ST18: variants seen among roughly 807,000 people sequenced by gnomAD.
ST18 encodes the protein suppression of tumorigenicity 18 protein.
In ST18, 50 loss-of-function variants were observed where a neutral mutation model predicts 110.0. That is an observed-to-expected ratio of 0.45 (90% confidence interval 0.36 to 0.58). The LOEUF (loss-of-function observed/expected upper bound fraction) is 0.58, where lower values mean the gene tolerates loss of function less well. ST18 is among the 20% of genes least tolerant of loss of function. The pLI, the probability that ST18 is intolerant of heterozygous loss-of-function variation, is 0.00. For synonymous variants in ST18, 461 were observed against 452.4 expected (o/e 1.02, Z -0.24); for missense variants, 1,306 against 1,280.1 (o/e 1.02, Z -0.31).
intron 2 of ST18, among the ~76,000 whole-genome samples, chr8:52,369,724 T>C (rs898825724): frequency 1.3e-5 from 2 of 152,092 alleles, no homozygotes; most frequent in Non-Finnish European, 2.9e-5. Context: ...ACAGAAAACA[T>C]AAACGTATTG....
chr8:52,230,871 C>G (rs80051551), intron 2 of ST18, among the ~76,000 whole-genome samples: 5,310 of 152,086 alleles, frequency 0.035, 297 homozygotes, highest in African/African-American at 0.12. Flanking sequence ...GATGCCCTGA[C>G]GACAGAACAA....
intron 2 of ST18, among the ~76,000 whole-genome samples, chr8:52,301,155 T>C (rs1031194529): frequency 3.3e-5 from 5 of 152,192 alleles, no homozygotes; most frequent in African/African-American, 1.2e-4. Flanking sequence ...AAAATGGCCA[T>C]ATATGTTAAT....
intron 10 of ST18, among the ~76,000 whole-genome samples, chr8:52,167,814 G>A (rs2063521733): frequency 6.6e-6 from 1 of 152,186 alleles, no homozygotes; most frequent in African/African-American, 2.4e-5. Context: ...GGAGCAGCCG[G>A]TCATGGTAAG....
chr8:52,401,741 T>C (rs1842861021), intron 2 of ST18, among the ~76,000 whole-genome samples: 3 of 152,198 alleles, frequency 2.0e-5, no homozygotes, highest in Admixed American at 6.5e-5. Flanking sequence ...TCTATCTGTA[T>C]TCTCTTGTTT....
chr8:52,356,912 A>G (rs1822988532), intron 2 of ST18, among the ~76,000 whole-genome samples: 2 of 152,140 alleles, frequency 1.3e-5, no homozygotes, highest in Admixed American at 6.5e-5. Context: ...GGATTTCAAT[A>G]TAAGTCTTCT....
chr8:52,282,472 G>A (rs977830822), intron 2 of ST18, among the ~76,000 whole-genome samples: 1 of 152,166 alleles, frequency 6.6e-6, no homozygotes, highest in Admixed American at 6.5e-5. Context: ...GGGGGTTCAA[G>A]CCACTGGGGA....
chr8:52,198,788 T>C (rs991309230), intron 8 of ST18, among the ~76,000 whole-genome samples: 1 of 152,318 alleles, frequency 6.6e-6, no homozygotes, highest in South Asian at 2.1e-4. Flanking sequence ...AATAACCTGA[T>C]AGAGAAGCAC....
intron 2 of ST18, among the ~76,000 whole-genome samples, chr8:52,326,979 C>A (rs1267731479): frequency 6.6e-6 from 1 of 152,228 alleles, no homozygotes; most frequent in African/African-American, 2.4e-5. Context: ...TCAAGGGAGA[C>A]TGCCCACTCT....
chr8:52,293,379 A>G (rs1454243486), intron 2 of ST18, among the ~76,000 whole-genome samples: 2 of 152,248 alleles, frequency 1.3e-5, no homozygotes, highest in African/African-American at 2.4e-5. Context: ...CTTCATGTGC[A>G]CAGCACATGT....
chr8:52,167,027 T>G, intron 10 of ST18, 41 bp from the exon 11 acceptor site: 1 of 1,576,824 alleles, frequency 6.3e-7, no homozygotes, highest in Admixed American at 1.7e-5. Context: ...TGGTTATTCT[T>G]GCTTTTCTTC....
intron 2 of ST18, among the ~76,000 whole-genome samples, chr8:52,342,047 AC>A (rs1815298392): frequency 6.6e-6 from 1 of 152,242 alleles, no homozygotes; most frequent in East Asian, 1.9e-4. Flanking sequence ...GCAGTTAATA[AC>A]AGTATACTGA....
chr8:52,174,785 C>T (rs371435569), intron 9 of ST18, among the ~76,000 whole-genome samples: 3 of 152,164 alleles, frequency 2.0e-5, no homozygotes, highest in Admixed American at 6.5e-5. Context: ...ACAGCACACG[C>T]GGGTTTCTAG....
intron 8 of ST18, chr8:52,201,225 A>G (rs2077841590): frequency 6.6e-6 from 1 of 152,322 alleles, no homozygotes; most frequent in Non-Finnish European, 1.5e-5. Flanking sequence ...TTTTCCTTCA[A>G]GAACGCAGAG....
intron 2 of ST18, among the ~76,000 whole-genome samples, chr8:52,377,969 C>T (rs765658595): frequency 3.3e-5 from 5 of 152,108 alleles, no homozygotes; most frequent in Non-Finnish European, 7.4e-5. Context: ...AACTAGAGGG[C>T]ATTATAATTC....
At chr8:52,199,437 C>T (rs903460109) in intron 8 of ST18, 4 of 152,154 alleles carry the variant, frequency 2.6e-5, no homozygotes, top group African/African-American at 7.2e-5. Flanking sequence ...GGGCTGTTCC[C>T]GTGGTACACA....
rs1022766419 is a variant in ST18 at position 52,171,833 on chromosome 8, T to C, written c.1028A>G (p.Lys343Arg). The C allele has an allele frequency of 3.1e-6, 5 of 1,613,964 alleles. No homozygotes were observed. The African/African-American group carries it at 5.3e-5, about 17-fold the overall frequency. Reference sequence around the variant, plus strand: ...TTGTCTTCCACCCATGTCGATAACTTTGGTTTGCCTCCTTTCCCCTGCTAG... The same window carrying C: ...TTGTCTTCCACCCATGTCGATAACTCTGGTTTGCCTCCTTTCCCCTGCTAG... ...EHLAGERRQT[K>R]VIDMGGRQIF... The change falls in exon 10 of 26, where the codon AAA becomes AGA. Residue 343 changes from lysine to arginine, a missense_variant. Physicochemically the swap from Lys to Arg is conservative, Grantham distance 26. Transcript: ENST00000689386.
intron 2 of ST18, among the ~76,000 whole-genome samples, chr8:52,238,843 G>A (rs1205099131): frequency 8.2e-6 from 1 of 122,176 alleles, no homozygotes; most frequent in Non-Finnish European, 1.6e-5. Flanking sequence ...TAATAGACAT[G>A]GGAGACTCGG....
At chr8:52,261,957 A>C (rs1487922736) in intron 2 of ST18, among the ~76,000 whole-genome samples, 2 of 152,006 alleles carry the variant, frequency 1.3e-5, no homozygotes, top group Non-Finnish European at 1.5e-5. Context: ...GTCTTACTCA[A>C]TTTTCTGTTG....
intron 2 of ST18, among the ~76,000 whole-genome samples, chr8:52,252,595 G>A (rs1228747214): frequency 6.6e-6 from 1 of 151,524 alleles, no homozygotes; most frequent in Non-Finnish European, 1.5e-5. Flanking sequence ...ACCACCTTAC[G>A]CTCTCCAAGG....
Sources: allele counts gnomAD v4.1 joint callset (sites outside exome capture counted in the v4.1 genomes callset), GRCh38; gene constraint gnomAD v4.1.1; transcripts MANE v1.5; gene names NCBI Gene and HGNC (gene_info 2026-07-23, HGNC 2026-07-21).